Variants in GALNT13 observed in about 807,000 individuals in gnomAD.
GALNT13 encodes UDP-GalNAc:polypeptide N-acetylgalactosaminyltransferase 13.
GALNT13 carries 28 observed loss-of-function variants against 64.2 expected under a neutral mutation model. The ratio of observed to expected loss-of-function variants is 0.44; its 90% CI spans 0.32 to 0.60. GALNT13 has a LOEUF of 0.60. Ranked by LOEUF, GALNT13 falls within the 20% of genes least tolerant of loss-of-function variation. The pLI, the probability that GALNT13 is intolerant of heterozygous loss-of-function variation, is 0.05. For synonymous variants in GALNT13, 214 were observed against 224.6 expected, an observed-to-expected ratio of 0.95 and a Z score of 0.42; for missense variants, 577 against 669.8, an observed-to-expected ratio of 0.86 and a Z score of 1.53.
chr2:153,342,656 A>C, the GALNT13 span, among the ~76,000 whole-genome samples: 1 of 152,184 alleles, frequency 6.6e-6, no homozygotes, highest in African/African-American at 2.4e-5. Context: ...ACTGGAGTTG[A>C]AATTAAAGTT....
chr2:153,141,383 G>A, the GALNT13 span, among the ~76,000 whole-genome samples: 1 of 152,100 alleles, frequency 6.6e-6, no homozygotes, highest in Non-Finnish European at 1.5e-5. Flanking sequence ...ATAAGGGTGG[G>A]CTAGGCCTAA....
At chr2:153,203,371 T>C in the GALNT13 span, among the ~76,000 whole-genome samples, 1 of 152,210 alleles carries the variant, frequency 6.6e-6, no homozygotes, top group Non-Finnish European at 1.5e-5. Flanking sequence ...AGCAACACAT[T>C]GAAAATAGAT....
At chr2:153,585,366 T>C in the GALNT13 span, among the ~76,000 whole-genome samples, 3 of 152,164 alleles carry the variant, frequency 2.0e-5, no homozygotes, top group Admixed American at 2.0e-4. Context: ...TTAAAATAAT[T>C]CAGTTAGACA....
At chr2:153,877,489 A>T (rs1686461089) in intron 1 of GALNT13, among the ~76,000 whole-genome samples, 1 of 152,196 alleles carries the variant, frequency 6.6e-6, no homozygotes, top group Non-Finnish European at 1.5e-5. Flanking sequence ...TCTTGAAGAT[A>T]GTAGTAAATG....
the GALNT13 span, among the ~76,000 whole-genome samples, chr2:153,607,613 C>T: frequency 2.6e-5 from 4 of 151,946 alleles, no homozygotes; most frequent in African/African-American, 4.8e-5. Context: ...TAACTTTTAC[C>T]TAAATCTTTT....
chr2:153,756,541 T>C, the GALNT13 span, among the ~76,000 whole-genome samples: 1 of 152,136 alleles, frequency 6.6e-6, no homozygotes. Flanking sequence ...GGATTTTTGC[T>C]TTTAAATCAC....
chr2:154,396,250 T>G, intron 10 of GALNT13, 120 bp downstream of exon 10: 1 of 521,446 alleles, frequency 1.9e-6, no homozygotes, highest in South Asian at 4.9e-5. Flanking sequence ...TAGATCTGTT[T>G]TAAACAACTT....
intron 2 of GALNT13, among the ~76,000 whole-genome samples, chr2:153,926,124 AG>A (rs1690118515): frequency 6.6e-6 from 1 of 152,114 alleles, no homozygotes; most frequent in South Asian, 2.1e-4. Flanking sequence ...TTTCTAAAGC[AG>A]AAATCACTAC....
intron 4 of GALNT13, among the ~76,000 whole-genome samples, chr2:154,173,867 A>G (rs1405390921): frequency 1.3e-5 from 2 of 152,160 alleles, no homozygotes; most frequent in East Asian, 1.9e-4. Flanking sequence ...TACTTTTATT[A>G]AAAGACAAGC....
the GALNT13 span, among the ~76,000 whole-genome samples, chr2:153,865,323 A>C: frequency 1.3e-5 from 1 of 75,038 alleles, no homozygotes; most frequent in Non-Finnish European, 2.9e-5. Flanking sequence ...ATCTAATTAA[A>C]ATAAAGAGCT....
chr2:153,501,197 CT>C, the GALNT13 span, among the ~76,000 whole-genome samples: 2 of 152,060 alleles, frequency 1.3e-5, no homozygotes, highest in African/African-American at 4.8e-5. Flanking sequence ...AAAATGATGA[CT>C]CAAAAATTTT....
chr2:154,277,423 GTGCAACATCTTAAGCTA>G (rs147312256), intron 8 of GALNT13, among the ~76,000 whole-genome samples: 2,566 of 152,196 alleles, frequency 0.017, 68 homozygotes, highest in African/African-American at 0.058. Context: ...TGCAATAAAT[GTGCAACATCTTAAGCTA>G]TGATTATATT....
chr2:153,475,362 T>C, the GALNT13 span, among the ~76,000 whole-genome samples: 5 of 152,228 alleles, frequency 3.3e-5, no homozygotes, highest in Non-Finnish European at 7.3e-5. Context: ...ATCTAAGGAC[T>C]ACATTTTGCA....
chr2:153,086,910 T>G, the GALNT13 span, among the ~76,000 whole-genome samples: 1 of 152,072 alleles, frequency 6.6e-6, no homozygotes, highest in Admixed American at 6.6e-5. Flanking sequence ...TCTAGATATA[T>G]GATCATACCA....
chr2:153,428,614 T>C, the GALNT13 span, among the ~76,000 whole-genome samples: 1 of 152,264 alleles, frequency 6.6e-6, no homozygotes, highest in Admixed American at 6.5e-5. Flanking sequence ...AAAGTTCCAG[T>C]GGTGGACAAA....
At chr2:154,456,437 A>G (rs994780565), downstream of GALNT13, among the ~76,000 whole-genome samples, 2 of 152,052 alleles carry the variant, frequency 1.3e-5, no homozygotes, top group Non-Finnish European at 2.9e-5. Flanking sequence ...CCTTTGGTAT[A>G]TATTGCCTTT....
At chr2:154,437,820 A>T (rs1269564782) in intron 11 of GALNT13, 2 of 257,064 alleles carry the variant, frequency 7.8e-6, no homozygotes, top group Non-Finnish European at 1.6e-5. Context: ...ACGCCAGTGC[A>T]CTCCAGCCTG....
At chr2:153,717,529 T>C in the GALNT13 span, among the ~76,000 whole-genome samples, 4 of 152,242 alleles carry the variant, frequency 2.6e-5, no homozygotes, top group African/African-American at 9.6e-5. Context: ...CATGGTATTA[T>C]GTAGAGGATG....
chr2:153,197,252 C>G, the GALNT13 span, among the ~76,000 whole-genome samples: 1 of 152,150 alleles, frequency 6.6e-6, no homozygotes, highest in African/African-American at 2.4e-5. Context: ...GCATGCATGC[C>G]TGGGGTTAAT....
Sources: gnomAD v4.1 joint callset for allele counts (sites outside exome capture counted in the v4.1 genomes callset) on GRCh38, gnomAD v4.1.1 for gene constraint, MANE v1.5 for transcripts, NCBI Gene and HGNC (gene_info 2026-07-23, HGNC 2026-07-21) for gene names.